TRPV1: variants seen among roughly 807,000 people sequenced by gnomAD.
TRPV1 encodes OTRPC1.
In TRPV1, 82 loss-of-function variants were observed where a neutral mutation model predicts 82.3. The ratio of observed to expected loss-of-function variants is 1.00; its 90% CI spans 0.83 to 1.20. The LOEUF (loss-of-function observed/expected upper bound fraction) is 1.20, where lower values mean the gene tolerates loss of function less well. Ranked by LOEUF, TRPV1 falls within the 50% of genes most tolerant of loss-of-function variation. The probability of loss-of-function intolerance (pLI) is 0.00; values close to 1 mark genes in which losing one functional copy is unlikely to be tolerated. For synonymous variants in TRPV1, 515 were observed against 467.7 expected, an observed-to-expected ratio of 1.10 and a Z score of -1.30; for missense variants, 1,067 against 1,096.8, an observed-to-expected ratio of 0.97 and a Z score of 0.38.
intron 10 of TRPV1, 32 bp downstream of exon 10, chr17:3,583,306 T>C (rs1189277402): frequency 6.4e-6 from 10 of 1,563,182 alleles, no homozygotes; most frequent in Non-Finnish European, 7.0e-6. Flanking sequence ...TTGGTGATAA[T>C]GGAAACTCAC....
At chr17:3,586,354 G>T (rs2075085055) in intron 8 of TRPV1, among the ~76,000 whole-genome samples, 1 of 152,244 alleles carries the variant, frequency 6.6e-6, no homozygotes, top group Non-Finnish European at 1.5e-5. Flanking sequence ...CCAGCCCTGG[G>T]TCAGGCAGGG....
chr17:3,566,752 A>C lies in TRPV1; in HGVS notation c.*63T>G, dbSNP rs1356151889. 3.8e-6 allele frequency: 6 copies of C among 1,569,242 alleles called. No homozygotes were observed. The highest frequency in any genetic ancestry group is 5.2e-6 in the Non-Finnish European group (6 of 1,154,980). The stretch of plus-strand genomic sequence containing the variant: ...GACAGAGCACTGGTGTTCCCTCAGC[A>C]GCCCCCCGTGGCAACGGGGTCTCCT... On this transcript the variant is annotated 3_prime_UTR_variant, in exon 17 of 17. Transcript: ENST00000572705.
chr17:3,568,098 G>A (rs1467078179), intron 16 of TRPV1, among the ~76,000 whole-genome samples: 6 of 152,072 alleles, frequency 3.9e-5, no homozygotes, highest in Non-Finnish European at 7.4e-5. Flanking sequence ...CGAGGCGGGC[G>A]GATCACGAGG....
intron 2 of TRPV1, among the ~76,000 whole-genome samples, chr17:3,597,331 C>T (rs2075228721): frequency 6.6e-6 from 1 of 152,198 alleles, no homozygotes; most frequent in Non-Finnish European, 1.5e-5. Flanking sequence ...ACCTGTGGCT[C>T]CTGCCCCCGG....
chr17:3,592,413 C>T, intron 2 of TRPV1, 30 bp from the exon 3 acceptor site: 1 of 1,512,666 alleles, frequency 6.6e-7, no homozygotes, highest in Non-Finnish European at 8.8e-7. Context: ...GGGGTTGACT[C>T]CCAAAGTAAG....
chr17:3,603,404 C>T (rs222739), intron 2 of TRPV1, among the ~76,000 whole-genome samples: 3,018 of 152,280 alleles, frequency 0.02, 40 homozygotes, highest in Non-Finnish European at 0.033. Context: ...AATGGAGGGT[C>T]AGCAGGTGGG....
chr17:3,598,110 G>A (rs1348095663), intron 2 of TRPV1, among the ~76,000 whole-genome samples: 1 of 152,218 alleles, frequency 6.6e-6, no homozygotes, highest in East Asian at 1.9e-4. Context: ...CCAGACCCTG[G>A]CTGAGAAAAA....
In TRPV1 at chr17:3,566,708, C is replaced by T; in HGVS notation, c.*107G>A. 7.1e-7 allele frequency: 1 copy of T among 1,401,912 alleles called. No individual in the cohort carries two copies. Among genetic ancestry groups the T allele is most frequent in the South Asian group, 1.4e-5 (1 of 71,036 alleles). 86.8% of individuals were successfully genotyped at this position (1,401,912 alleles called of 1,614,324 possible). A position where few individuals can be genotyped will look rare whatever the true frequency, so the allele number is the denominator to read the frequency against. On this transcript the variant is annotated 3_prime_UTR_variant, in exon 17 of 17. Transcript: ENST00000572705. ...GATTTGGGAACATGCTGGGCAGGCA[C>T]AGACCAGGCCAGGCTGCTGACAGAG...
At chr17:3,580,587 C>G (rs2074994519) in intron 10 of TRPV1, 60 bp from the exon 11 acceptor site, 2 of 1,553,256 alleles carry the variant, frequency 1.3e-6, no homozygotes, top group Admixed American at 1.7e-5. Context: ...AAATGGTGAG[C>G]ACTCAGATGC....
chr17:3,585,915 G>A lies in TRPV1; in HGVS notation c.1236C>T (p.Asp412=). ...YSSSETPNRH[D]MLLVEPLNRL... Reference sequence around the variant, plus strand: ...GGTTCAGCGGCTCCACCAAGAGCATGTCGTGGCGATTCTAGGGGGTGGGGA... The same window carrying A: ...GGTTCAGCGGCTCCACCAAGAGCATATCGTGGCGATTCTAGGGGGTGGGGA... Residue 412 remains aspartate, a synonymous_variant, in exon 9 of 17, where the codon GAC becomes GAT. Coordinates refer to ENST00000572705, the MANE Select transcript of TRPV1 (RefSeq NM_080704.4). 2.5e-6 allele frequency: 4 copies of A among 1,613,860 alleles called. No individual in the cohort carries two copies. Among genetic ancestry groups the A allele is most frequent in the East Asian group, 4.5e-5 (2 of 44,850 alleles).
intron 2 of TRPV1, among the ~76,000 whole-genome samples, chr17:3,604,529 C>T (rs186256465): frequency 1.3e-5 from 2 of 149,614 alleles, no homozygotes; most frequent in African/African-American, 2.5e-5. Flanking sequence ...ACCCAGGAGG[C>T]GGAGGTTGCA....
intron 2 of TRPV1, among the ~76,000 whole-genome samples, chr17:3,596,629 A>T (rs528999111): frequency 6.6e-6 from 1 of 152,306 alleles, no homozygotes; most frequent in South Asian, 2.1e-4. Flanking sequence ...CTGATGCAGG[A>T]GCAACAAGAA....
intron 16 of TRPV1, among the ~76,000 whole-genome samples, chr17:3,568,429 A>G (rs888775503): frequency 1.8e-4 from 27 of 152,188 alleles, no homozygotes; most frequent in Non-Finnish European, 7.3e-5. Context: ...TGACAAAGAG[A>G]TCATCAATAA....
intron 16 of TRPV1, among the ~76,000 whole-genome samples, chr17:3,567,464 G>C (rs191571936): frequency 6.6e-6 from 1 of 151,500 alleles, no homozygotes; most frequent in African/African-American, 2.4e-5. Context: ...CACCTGGATC[G>C]GTGCAATGTC....
rs912442625 is a variant in TRPV1 at position 3,566,754 on chromosome 17, C to T, written c.*61G>A. 4 of 1,565,672 alleles carry T rather than the reference C, an allele frequency of 2.6e-6. No individual in the cohort carries two copies. The highest frequency in any genetic ancestry group is 1.4e-5 in the African/African-American group (1 of 73,930). On this transcript the variant is annotated 3_prime_UTR_variant, in exon 17 of 17. Transcript: ENST00000572705. ...CAGAGCACTGGTGTTCCCTCAGCAG[C>T]CCCCCGTGGCAACGGGGTCTCCTAA...
At chr17:3,568,251 G>A (rs1446096687) in intron 16 of TRPV1, among the ~76,000 whole-genome samples, 2 of 151,558 alleles carry the variant, frequency 1.3e-5, no homozygotes, top group Non-Finnish European at 2.9e-5. Flanking sequence ...GAACCCGGGA[G>A]GTGGAGCTTG....
At chr17:3,594,580 A>G (rs1037213038) in intron 2 of TRPV1, among the ~76,000 whole-genome samples, 2 of 152,084 alleles carry the variant, frequency 1.3e-5, no homozygotes, top group Non-Finnish European at 2.9e-5. Context: ...CTGTTGATCC[A>G]CTTTCAACAG....
At chr17:3,581,975 G>A (rs1336407853) in intron 10 of TRPV1, among the ~76,000 whole-genome samples, 2 of 147,816 alleles carry the variant, frequency 1.4e-5, no homozygotes, top group Non-Finnish European at 3.0e-5. Context: ...CGGATCACGA[G>A]GTCAGGAGAT....
rs2074761874 is a variant in TRPV1 at position 3,566,263 on chromosome 17, G to C, written c.*552C>G. On this transcript the variant is annotated 3_prime_UTR_variant, in exon 17 of 17. Coordinates refer to ENST00000572705, the MANE Select transcript of TRPV1 (RefSeq NM_080704.4). ...CCCAGCACTTTGGGAGGCCGAGGTG[G>C]GCGGATCACCTGAGGTCAGGAGTTC... The C allele has an allele frequency of 6.6e-6, 1 of 151,794 alleles. No individual in the cohort carries two copies. The highest frequency in any genetic ancestry group is 2.4e-5 in the African/African-American group (1 of 41,266). The allele number at this position is 151,794 out of a possible 1,614,324, so 9.4% of individuals were successfully genotyped here. A position where few individuals can be genotyped will look rare whatever the true frequency, so the allele number is the denominator to read the frequency against.
Sources: allele counts gnomAD v4.1 joint callset (sites outside exome capture counted in the v4.1 genomes callset), GRCh38; gene constraint gnomAD v4.1.1; transcripts MANE v1.5; gene names NCBI Gene and HGNC (gene_info 2026-07-23, HGNC 2026-07-21).